DYRK4: variants seen among roughly 807,000 people sequenced by gnomAD.
The protein encoded by DYRK4 is dual specificity tyrosine-phosphorylation-regulated kinase 4.
Under a neutral mutation model 68.3 loss-of-function variants are expected in DYRK4, and 64 were observed. The ratio of observed to expected loss-of-function variants is 0.94; its 90% CI spans 0.77 to 1.15. DYRK4 has a LOEUF of 1.15. DYRK4 is among the 50% of genes most tolerant of loss of function. The pLI is 0.00. For synonymous variants in DYRK4, 274 were observed against 289.9 expected (o/e 0.95, Z 0.56); for missense variants, 740 against 764.7 (o/e 0.97, Z 0.38).
At chr12:4,565,574 G>A (rs1218315945) in intron 1 of DYRK4, among the ~76,000 whole-genome samples, 1 of 151,902 alleles carries the variant, frequency 6.6e-6, no homozygotes, top group Non-Finnish European at 1.5e-5. Context: ...CTCCAGCGCT[G>A]TCAGAGCTGA....
chr12:4,566,274 G>A (rs771720853), intron 1 of DYRK4, among the ~76,000 whole-genome samples: 29 of 152,154 alleles, frequency 1.9e-4, no homozygotes. Context: ...GCATAGCCAC[G>A]CAGGCTCCAA....
intron 2 of DYRK4, among the ~76,000 whole-genome samples, chr12:4,571,651 T>C (rs1008414766): frequency 7.2e-5 from 11 of 152,210 alleles, no homozygotes; most frequent in South Asian, 2.1e-4. Flanking sequence ...CGTATGCCAA[T>C]TAATACCTCA....
rs141110512 is a variant in DYRK4, at chr12:4,599,092, C to T, written c.970C>T (p.Arg324Cys). The T allele has an allele frequency of 5.3e-5, 85 of 1,613,926 alleles. No individual in the cohort carries two copies. Among genetic ancestry groups the T allele is most frequent in the Admixed American group, 5.0e-5 (3 of 59,990 alleles). Residue 324 changes from arginine (R) to cysteine (C), a missense_variant, in exon 9 of 15, where the codon CGC (arginine) becomes TGC (cysteine). By Grantham distance (180) the Arg-to-Cys change is radical. This residue lies in a region of DYRK4 where 614 missense variants were observed against 603.7 expected (regional missense o/e 1.02). Transcript: ENST00000543431. Reference protein sequence around the residue: ...FQGFSLSIVRRFTLSVLKCLQ... With the variant: ...FQGFSLSIVRCFTLSVLKCLQ... The stretch of plus-strand genomic sequence containing the variant: ...AGGCTTCAGTCTGTCCATAGTTCGG[C>T]GCTTCACTCTCTCTGTTTTGAAGTG...
chr12:4,597,070 G>C, intron 8 of DYRK4: 1 of 1,132,320 alleles, frequency 8.8e-7, no homozygotes, highest in Non-Finnish European at 1.1e-6. Flanking sequence ...CCACTCATTG[G>C]CTTTCTGGCC....
chr12:4,571,158 C>A (rs12578549), intron 2 of DYRK4, among the ~76,000 whole-genome samples: 36 of 152,308 alleles, frequency 2.4e-4, no homozygotes, highest in Middle Eastern at 6.8e-3. Flanking sequence ...GGAAGAGAAC[C>A]TGGGAGAGAG....
chr12:4,563,982 G>A (rs1944653268), intron 1 of DYRK4, among the ~76,000 whole-genome samples: 1 of 152,186 alleles, frequency 6.6e-6, no homozygotes, highest in South Asian at 2.1e-4. Context: ...AGCATAGACA[G>A]AGTGATTGCC....
intron 1 of DYRK4, 121 bp downstream of exon 1, chr12:4,562,404 G>A: frequency 7.9e-7 from 1 of 1,273,048 alleles, no homozygotes; most frequent in Non-Finnish European, 1.0e-6. Context: ...TGCAAGAGCT[G>A]ACCGGGGAAT....
chr12:4,611,368 A>G (rs764632904), intron 13 of DYRK4, among the ~76,000 whole-genome samples: 1 of 152,240 alleles, frequency 6.6e-6, no homozygotes, highest in Non-Finnish European at 1.5e-5. Context: ...CAGAAACCTC[A>G]ACCATCCAGA....
At chr12:4,568,391 T>C (rs1283344217) in intron 2 of DYRK4, among the ~76,000 whole-genome samples, 2 of 152,094 alleles carry the variant, frequency 1.3e-5, no homozygotes, top group Non-Finnish European at 2.9e-5. Context: ...TTTTTCTTTT[T>C]TTTTTTTCTT....
intron 2 of DYRK4, among the ~76,000 whole-genome samples, chr12:4,586,859 C>T (rs1944903062): frequency 6.6e-6 from 1 of 152,196 alleles, no homozygotes; most frequent in Admixed American, 6.5e-5. Flanking sequence ...TAGCAGACAA[C>T]TTTGGCATGT....
At chr12:4,590,640 G>C (rs1481611125) in intron 4 of DYRK4, 200 bp downstream of exon 4, 1 of 1,174,448 alleles carries the variant, frequency 8.5e-7, no homozygotes, top group African/African-American at 1.6e-5. Context: ...TACAAAATGG[G>C]CCCTCTCTAG....
intron 2 of DYRK4, among the ~76,000 whole-genome samples, chr12:4,585,316 T>C (rs1160797366): frequency 1.3e-5 from 2 of 152,352 alleles, no homozygotes; most frequent in African/African-American, 4.8e-5. Context: ...CCTATTCCAC[T>C]CTCTCAAGGG....
chr12:4,566,676 GA>G (rs2137316429), intron 1 of DYRK4, among the ~76,000 whole-genome samples: 1 of 152,366 alleles, frequency 6.6e-6, no homozygotes, highest in South Asian at 2.1e-4. Context: ...GTTTATCAGT[GA>G]AATTGTCTCA....
intron 2 of DYRK4, among the ~76,000 whole-genome samples, chr12:4,586,577 A>G (rs115448620): frequency 9.6e-4 from 146 of 152,192 alleles, no homozygotes; most frequent in African/African-American, 3.4e-3. Context: ...ACAGCCAACA[A>G]TCAGCAAGTT....
intron 6 of DYRK4, 22 bp downstream of exon 6, chr12:4,593,187 G>A: frequency 6.2e-7 from 1 of 1,611,242 alleles, no homozygotes; most frequent in Non-Finnish European, 8.5e-7. Context: ...GGGGGCCATG[G>A]GAACCTGCAG....
chr12:4,585,664 A>G (rs1754516802), intron 2 of DYRK4, among the ~76,000 whole-genome samples: 1 of 152,156 alleles, frequency 6.6e-6, no homozygotes, highest in Admixed American at 6.5e-5. Context: ...ACATTAGGAG[A>G]TATACCTAAT....
intron 2 of DYRK4, among the ~76,000 whole-genome samples, chr12:4,578,849 C>G (rs1185092551): frequency 6.6e-6 from 1 of 152,176 alleles, no homozygotes; most frequent in African/African-American, 2.4e-5. Context: ...TCCTGTGAGG[C>G]CTAATGACCC....
At chr12:4,588,407 C>T (rs1360979899) in intron 2 of DYRK4, among the ~76,000 whole-genome samples, 5 of 152,198 alleles carry the variant, frequency 3.3e-5, no homozygotes, top group Admixed American at 6.5e-5. Flanking sequence ...GTGCTTGCCG[C>T]CCTCTGGGAC....
At chr12:4,574,644 G>A (rs978016232) in intron 2 of DYRK4, among the ~76,000 whole-genome samples, 5 of 152,058 alleles carry the variant, frequency 3.3e-5, no homozygotes, top group Non-Finnish European at 7.4e-5. Flanking sequence ...TCATTATACG[G>A]GAACACTACA....
Sources: allele counts gnomAD v4.1 joint callset (sites outside exome capture counted in the v4.1 genomes callset), GRCh38; gene constraint gnomAD v4.1.1; regional missense constraint gnomAD v4.1.1; transcripts MANE v1.5; gene names NCBI Gene and HGNC (gene_info 2026-07-23, HGNC 2026-07-21).